MKLN1: variants seen among roughly 807,000 people sequenced by gnomAD.
The protein encoded by MKLN1 is muskelin.
Under a neutral mutation model 99.0 loss-of-function variants are expected in MKLN1, and 18 were observed. The ratio of observed to expected loss-of-function variants is 0.18; its 90% CI spans 0.13 to 0.27. MKLN1 has a LOEUF of 0.27. MKLN1 is among the 10% of genes least tolerant of loss of function. The probability of loss-of-function intolerance (pLI) is 1.00; values close to 1 mark genes in which losing one functional copy is unlikely to be tolerated. For missense variants in MKLN1, 621 were observed against 875.9 expected (o/e 0.71, Z 3.67); for synonymous variants, 288 against 293.2 (o/e 0.98, Z 0.18).
Position 131,241,251 on chromosome 7 carries a change from A to G in MKLN1, c.-179+38277A>G, listed in dbSNP as rs143740451. 6.4e-3 allele frequency among the ~76,000 whole-genome samples: 968 copies of G among 151,972 alleles called. 9 individuals are homozygous for G. Among genetic ancestry groups the G allele is most frequent in the Non-Finnish European group, 9.9e-3 (674 of 67,956 alleles). On this transcript the variant is annotated intron_variant, in intron 3 of 7. Coordinates refer to the MKLN1 transcript ENST00000416992. The stretch of plus-strand genomic sequence containing the variant: ...AAATTAGCCAGGCATGGTGGCACAT[A>G]CCTATAATACCAGCTAGTTGGGAGG...
intron 17 of MKLN1, 107 bp downstream of exon 17, chr7:131,478,784 A>AT: frequency 1.6e-6 from 2 of 1,286,710 alleles, no homozygotes; most frequent in Non-Finnish European, 2.2e-6. Context: ...AGTCAAATAG[A>AT]TGAGCAAATG....
chr7:131,132,796 A>C (rs1172116279), intron 1 of MKLN1, among the ~76,000 whole-genome samples: 1 of 151,774 alleles, frequency 6.6e-6, no homozygotes, highest in Non-Finnish European at 1.5e-5. Context: ...GCGTGGTGGC[A>C]GCGCCTGTAA....
chr7:131,175,220 G>T (rs1796279938), intron 2 of MKLN1, among the ~76,000 whole-genome samples: 1 of 151,536 alleles, frequency 6.6e-6, no homozygotes, highest in South Asian at 2.1e-4. Flanking sequence ...TGGATGGATA[G>T]AGAGAGAGAG....
chr7:131,272,026 C>T (rs747674477), intron 3 of MKLN1, among the ~76,000 whole-genome samples: 1 of 152,092 alleles, frequency 6.6e-6, no homozygotes, highest in African/African-American at 2.4e-5. Flanking sequence ...GACCAGTTCT[C>T]GTTAGTGGAA....
At chr7:131,452,342 T>C (rs1199949470) in intron 12 of MKLN1, among the ~76,000 whole-genome samples, 1 of 152,172 alleles carries the variant, frequency 6.6e-6, no homozygotes, top group Non-Finnish European at 1.5e-5. Context: ...TCTGCTGTTA[T>C]CAGGCTGTGA....
intron 17 of MKLN1, among the ~76,000 whole-genome samples, chr7:131,479,700 G>T (rs945898805): frequency 4.0e-5 from 6 of 151,882 alleles, no homozygotes; most frequent in Non-Finnish European, 8.8e-5. Context: ...GGTGGCGGGC[G>T]CCTGTAGTCC....
intron 3 of MKLN1, among the ~76,000 whole-genome samples, chr7:131,237,593 C>A (rs866523032): frequency 1.3e-5 from 2 of 152,066 alleles, no homozygotes; most frequent in Non-Finnish European, 2.9e-5. Context: ...GCTGTATAAT[C>A]GAAGTATGCA....
chr7:131,439,860 A>G (rs1024335762), intron 10 of MKLN1, among the ~76,000 whole-genome samples: 7 of 145,926 alleles, frequency 4.8e-5, no homozygotes, highest in Non-Finnish European at 1.0e-4. Flanking sequence ...AAGCAAAAAG[A>G]TTTAAACACA....
rs1445991725 is a variant in MKLN1 at position 131,214,877 on chromosome 7, T to C, written c.-179+11903T>C. On this transcript the variant is annotated intron_variant, in intron 3 of 7. Transcript: ENST00000416992. ...TATATGTTTCCATTTATTCAAATCT[T>C]CTGCAATGTTTTCCATAAGAATATT... 3.3e-5 allele frequency among the ~76,000 whole-genome samples: 5 copies of C among 152,362 alleles called. No individual in the cohort carries two copies. The South Asian group carries it at 6.2e-4, about 19-fold the overall frequency.
intron 3 of MKLN1, among the ~76,000 whole-genome samples, chr7:131,275,557 ATATATATATATTT>A (rs1260425755): frequency 1.3e-4 from 2 of 15,666 alleles, no homozygotes; most frequent in African/African-American, 6.3e-4. Context: ...ATATATATAT[ATATATATATATTT>A]TTTTTTTTTT....
intron 3 of MKLN1, among the ~76,000 whole-genome samples, chr7:131,314,393 GC>G (rs1377055141): frequency 6.6e-6 from 1 of 152,154 alleles, no homozygotes; most frequent in African/African-American, 2.4e-5. Context: ...ACTGAAGACA[GC>G]AGAGAGATGG....
chr7:131,153,663 G>GTGT (rs144256871), intron 2 of MKLN1, among the ~76,000 whole-genome samples: 1 of 135,246 alleles, frequency 7.4e-6, no homozygotes, highest in Non-Finnish European at 1.5e-5. Context: ...GGTTTTTTTT[G>GTGT]GTTTTTTTTT....
chr7:131,198,231 C>T (rs1473077500), intron 2 of MKLN1, among the ~76,000 whole-genome samples: 1 of 152,180 alleles, frequency 6.6e-6, no homozygotes, highest in Non-Finnish European at 1.5e-5. Context: ...TGCTCTGACA[C>T]CTGTACCACA....
intron 9 of MKLN1, among the ~76,000 whole-genome samples, chr7:131,436,947 A>G (rs1380541894): frequency 2.0e-5 from 3 of 152,204 alleles, no homozygotes; most frequent in South Asian, 4.1e-4. Flanking sequence ...TAAAGAAGTG[A>G]TAGACTTGGA....
intron 3 of MKLN1, among the ~76,000 whole-genome samples, chr7:131,211,781 G>A (rs1330665042): frequency 6.6e-6 from 1 of 152,058 alleles, no homozygotes; most frequent in African/African-American, 2.4e-5. Context: ...TACTCTAGGA[G>A]GCTCATAAAA....
chr7:131,442,823 CTTGAG>C (rs1795881108), intron 10 of MKLN1, among the ~76,000 whole-genome samples: 1 of 152,100 alleles, frequency 6.6e-6, no homozygotes, highest in Non-Finnish European at 1.5e-5. Flanking sequence ...AAGTTATAAT[CTTGAG>C]TTGAAAGAAT....
chr7:131,253,402 A>C (rs1300595425), intron 3 of MKLN1, among the ~76,000 whole-genome samples: 1 of 152,188 alleles, frequency 6.6e-6, no homozygotes, highest in Non-Finnish European at 1.5e-5. Context: ...GCTAAGTCCT[A>C]GGCAAGTGCA....
At position 131,200,973 on chromosome 7, in the gene MKLN1, G is replaced by A. The variant is rs116544643; in HGVS notation, c.-296-1884G>A. 4.7e-3 allele frequency among the ~76,000 whole-genome samples: 711 copies of A among 152,260 alleles called. 7 individuals are homozygous for A. The highest frequency in any genetic ancestry group is 0.016 in the African/African-American group (678 of 41,562). On this transcript the variant is annotated intron_variant, in intron 2 of 7. Transcript: ENST00000416992. ...CCACGTTGTATGTAAAGGAGTTAAA[G>A]CCCTACTTCCAAAACACTACTTCCT...
rs1179067881 is a variant in MKLN1, at chr7:131,493,121, T to C, written c.*5393T>C. On this transcript the variant is annotated 3_prime_UTR_variant, in exon 18 of 18. Coordinates refer to ENST00000352689, the MANE Select transcript of MKLN1 (RefSeq NM_013255.5). ...TTTAACATGAATGTTGTCTGAAAGC[T>C]GTAGGATCAATGGCAAAAAAGGGGA... 6.6e-6 allele frequency: 1 copy of C among 152,240 alleles called. No homozygotes were observed. The highest frequency in any genetic ancestry group is 6.5e-5 in the Admixed American group (1 of 15,280). 9.4% of individuals were successfully genotyped at this position (152,240 alleles called of 1,614,324 possible).
Sources: allele counts gnomAD v4.1 joint callset (sites outside exome capture counted in the v4.1 genomes callset), GRCh38; gene constraint gnomAD v4.1.1; transcripts MANE v1.5; gene names NCBI Gene and HGNC (gene_info 2026-07-23, HGNC 2026-07-21).